Variants in IL31RA observed in about 807,000 individuals in gnomAD.
IL31RA encodes interleukin 31 receptor A, also known as interleukin-31 receptor subunit alpha.
IL31RA carries 66 observed loss-of-function variants against 83.7 expected under a neutral mutation model. The observed-to-expected ratio is 0.79, with a 90% CI of 0.65 to 0.97. IL31RA has a LOEUF of 0.97. IL31RA is among the 50% of genes least tolerant of loss of function. The probability of loss-of-function intolerance (pLI) is 0.00; values close to 1 mark genes in which losing one functional copy is unlikely to be tolerated. For synonymous variants in IL31RA, 325 were observed against 329.0 expected, an observed-to-expected ratio of 0.99 and a Z score of 0.13; for missense variants, 798 against 919.4, an observed-to-expected ratio of 0.87 and a Z score of 1.71.
rs1178286533 is a variant in IL31RA, at chr5:55,906,183, G to C, written c.1147G>C (p.Asp383His). 1.2e-6 allele frequency: 2 copies of C among 1,614,166 alleles called. No homozygotes were observed. Among genetic ancestry groups the C allele is most frequent in the Non-Finnish European group, 1.7e-6 (2 of 1,180,020 alleles). Residue 383 changes from aspartate (D) to histidine (H), a missense_variant, in exon 9 of 15, where the codon GAC (aspartate) becomes CAC (histidine). By Grantham distance (81) the Asp-to-His change is moderately conservative. Transcript: ENST00000652347. ...LVVKWQSSAL[D>H]VNTWMIEWFP... ...GGTGAAGTGGCAAAGCTCTGCTCTAGACGTGAACACTTGGATGATTGAATG... is the reference window on the plus strand; with the variant it reads ...GGTGAAGTGGCAAAGCTCTGCTCTACACGTGAACACTTGGATGATTGAATG...
In IL31RA at chr5:55,917,848, A is replaced by T. The variant is rs921910820; in HGVS notation, c.*728A>T. Among the ~76,000 whole-genome samples, 8 of 152,106 alleles carry T rather than the reference A, an allele frequency of 5.3e-5. No individual in the cohort carries two copies. Among genetic ancestry groups the T allele is most frequent in the Non-Finnish European group, 1.2e-4 (8 of 67,974 alleles). ...TCCAGTCTCCAGGGGGCCACTTCCC[A>T]GCTGCTGCTGCCCTTCTATTCAGCA... is the stretch of plus-strand genomic sequence containing the variant. On this transcript the variant is annotated 3_prime_UTR_variant, in exon 15 of 15. Coordinates refer to ENST00000652347, the MANE Select transcript of IL31RA (RefSeq NM_139017.7).
the IL31RA span, among the ~76,000 whole-genome samples, chr5:55,840,322 T>C: frequency 2.6e-5 from 4 of 152,198 alleles, no homozygotes; most frequent in African/African-American, 9.6e-5. Context: ...CTGGAGAACC[T>C]GTTGTTAAAC....
At chr5:55,898,510 TTTA>T (rs1357344197) in intron 7 of IL31RA, among the ~76,000 whole-genome samples, 3 of 151,902 alleles carry the variant, frequency 2.0e-5, no homozygotes, top group Non-Finnish European at 4.4e-5. Flanking sequence ...TATCTCAATT[TTTA>T]TTATTTTAAA....
chr5:55,897,179 A>G (rs254988), intron 7 of IL31RA, among the ~76,000 whole-genome samples: 78,278 of 141,726 alleles, frequency 0.55, 22,293 homozygotes, highest in African/African-American at 0.65. Context: ...AAAGCCCTTG[A>G]TCTCTTACCC....
chr5:55,904,835 C>CTTTT (rs10651049), intron 8 of IL31RA, among the ~76,000 whole-genome samples: 4 of 132,892 alleles, frequency 3.0e-5, no homozygotes, highest in Admixed American at 1.5e-4. Flanking sequence ...TTTTGGGTTT[C>CTTTT]TTTTTTTTTT....
At chr5:55,864,670 A>G (rs1745919236) in intron 2 of IL31RA, among the ~76,000 whole-genome samples, 1 of 150,482 alleles carries the variant, frequency 6.6e-6, no homozygotes, top group South Asian at 2.1e-4. Flanking sequence ...GACACACACT[A>G]TATATGCATT....
chr5:55,878,694 C>G (rs1415675548), intron 4 of IL31RA, among the ~76,000 whole-genome samples: 1 of 151,982 alleles, frequency 6.6e-6, no homozygotes, highest in African/African-American at 2.4e-5. Flanking sequence ...GGCTCTGTTG[C>G]CCAGGCTGGA....
upstream of IL31RA, chr5:55,851,307 A>G (rs538277542): frequency 3.7e-6 from 2 of 542,918 alleles, no homozygotes; most frequent in South Asian, 4.0e-5. Context: ...CAGTACTATG[A>G]CTCATGCCTG....
At chr5:55,894,819 C>T (rs190095027) in intron 6 of IL31RA, among the ~76,000 whole-genome samples, 2 of 152,284 alleles carry the variant, frequency 1.3e-5, no homozygotes, top group African/African-American at 2.4e-5. Flanking sequence ...CGGGTTCAAG[C>T]GATTCTCCTG....
intron 2 of IL31RA, among the ~76,000 whole-genome samples, chr5:55,864,290 GACACACAC>G (rs35236053): frequency 6.9e-6 from 1 of 144,386 alleles, no homozygotes; most frequent in African/African-American, 2.6e-5. Context: ...TATACACACA[GACACACAC>G]ACACACACAC....
At chr5:55,910,793 A>C in intron 12 of IL31RA, 121 bp downstream of exon 12, 1 of 1,097,318 alleles carries the variant, frequency 9.1e-7, no homozygotes, top group African/African-American at 1.5e-5. Flanking sequence ...GTGCCCTGCC[A>C]TCCTGCTCTC....
chr5:55,867,195 GTGTT>G (rs1459613739), intron 2 of IL31RA, among the ~76,000 whole-genome samples: 3 of 43,168 alleles, frequency 6.9e-5, no homozygotes, highest in Admixed American at 3.1e-4. Flanking sequence ...GTGTTTGTGT[GTGTT>G]TGTGTGTGTG....
At chr5:55,861,548 A>C (rs1745688289) in intron 2 of IL31RA, among the ~76,000 whole-genome samples, 2 of 152,226 alleles carry the variant, frequency 1.3e-5, no homozygotes, top group Non-Finnish European at 2.9e-5. Flanking sequence ...TCCGTACCCC[A>C]GGTCCATGGA....
At chr5:55,869,468 C>A (rs1327929706) in intron 3 of IL31RA, among the ~76,000 whole-genome samples, 2 of 151,858 alleles carry the variant, frequency 1.3e-5, no homozygotes, top group Admixed American at 6.6e-5. Flanking sequence ...TAAATATTTG[C>A]AGGTTAAAAA....
chr5:55,902,171 A>G (rs1052267782), intron 8 of IL31RA: 2 of 152,170 alleles, frequency 1.3e-5, no homozygotes, highest in South Asian at 2.1e-4. Flanking sequence ...ACAACCACAC[A>G]TATTTGCTCA....
chr5:55,893,937 G>T (rs765400518), intron 6 of IL31RA, among the ~76,000 whole-genome samples: 15 of 150,400 alleles, frequency 1.0e-4, no homozygotes, highest in Non-Finnish European at 1.6e-4. Flanking sequence ...TCAGCCTCCC[G>T]AATAGCTGGG....
chr5:55,893,829 T>TC (rs888582922), intron 6 of IL31RA, among the ~76,000 whole-genome samples: 2 of 118,900 alleles, frequency 1.7e-5, no homozygotes, highest in Non-Finnish European at 3.5e-5. Flanking sequence ...TTTTTTTTTT[T>TC]GAGACGGGGT....
Position 55,917,182 on chromosome 5 carries a change from T to C in IL31RA, c.*62T>C. On this transcript the variant is annotated 3_prime_UTR_variant, in exon 15 of 15. Coordinates refer to ENST00000652347, the MANE Select transcript of IL31RA (RefSeq NM_139017.7). ...TGGATGGCCCTTGCCAGAGAAGATGTCAAGACTCGGCACGCAGCGCTTGCT... is the reference window on the plus strand; with the variant it reads ...TGGATGGCCCTTGCCAGAGAAGATGCCAAGACTCGGCACGCAGCGCTTGCT... 1 of 1,611,228 alleles carries C rather than the reference T, an allele frequency of 6.2e-7. No homozygotes were observed. Among genetic ancestry groups the C allele is most frequent in the Non-Finnish European group, 8.5e-7 (1 of 1,180,002 alleles).
At position 55,900,006 on chromosome 5, in the gene IL31RA, A is replaced by C; in HGVS notation, c.943A>C (p.Asn315His). 1 of 1,614,042 alleles carries C rather than the reference A, an allele frequency of 6.2e-7. No individual in the cohort carries two copies. Among genetic ancestry groups the C allele is most frequent in the Non-Finnish European group, 8.5e-7 (1 of 1,179,874 alleles). The change falls in exon 8 of 15, where the codon AAC (asparagine) becomes CAC (histidine). Residue 315 changes from asparagine (N) to histidine (H), a missense_variant. Physicochemically the swap from Asn to His is moderately conservative, Grantham distance 68. Transcript: ENST00000652347. Reference sequence around the variant, plus strand: ...CAACACTAACCTCACAGAAACAATGAACACTACTAACCAGCAGCTTGAACT... The same window carrying C: ...CAACACTAACCTCACAGAAACAATGCACACTACTAACCAGCAGCTTGAACT... Reference protein sequence around the residue: ...ESNTNLTETMNTTNQQLELHL... With the variant: ...ESNTNLTETMHTTNQQLELHL...
Sources: gnomAD v4.1 joint callset for allele counts (sites outside exome capture counted in the v4.1 genomes callset) on GRCh38, gnomAD v4.1.1 for gene constraint, MANE v1.5 for transcripts, NCBI Gene and HGNC (gene_info 2026-07-23, HGNC 2026-07-21) for gene names.